The following TEX11 variants were observed in gnomAD, a reference collection of about 807,000 sequenced individuals.
TEX11 encodes the protein testis expressed 11.
TEX11 carries 7 observed loss-of-function variants against 84.4 expected under a neutral mutation model. That is an observed-to-expected ratio of 0.08 (90% CI 0.05 to 0.16). The LOEUF (loss-of-function observed/expected upper bound fraction) is 0.16. Ranked by LOEUF, TEX11 falls within the 10% of genes least tolerant of loss-of-function variation. The pLI is 1.00. For missense variants in TEX11, 551 were observed against 660.5 expected, an observed-to-expected ratio of 0.83 and a Z score of 1.82; for synonymous variants, 264 against 222.8, an observed-to-expected ratio of 1.18 and a Z score of -1.64.
intron 9 of TEX11, among the ~76,000 whole-genome samples, chrX:70,756,019 G>C (rs1050918764): frequency 1.8e-5 from 2 of 112,316 alleles, no homozygotes; most frequent in Admixed American, 1.9e-4. Flanking sequence ...ATCAACCTGC[G>C]GCTCAGCAGC....
At chrX:70,753,855 C>A (rs756772736) in intron 9 of TEX11, among the ~76,000 whole-genome samples, 11 of 110,687 alleles carry the variant, frequency 9.9e-5, no homozygotes, top group Non-Finnish European at 1.9e-4. Flanking sequence ...AGAAGAGAAC[C>A]CTCTCTTGAA....
chrX:70,793,605 G>C (rs2091137971), intron 9 of TEX11, among the ~76,000 whole-genome samples: 1 of 111,597 alleles, frequency 9.0e-6, no homozygotes, highest in East Asian at 2.8e-4. Flanking sequence ...AAAGCTTTCT[G>C]AGGCCTTACC....
In TEX11 at chrX:70,776,168, T is replaced by C. The variant is rs182080470; in HGVS notation, c.692+30537A>G. Among the ~76,000 whole-genome samples, 247 of 111,433 alleles carry C rather than the reference T, an allele frequency of 2.2e-3. 1 individual carries two copies. Among genetic ancestry groups the C allele is most frequent in the African/African-American group, 7.9e-3 (242 of 30,749 alleles). On this transcript the variant is annotated intron_variant, in intron 9 of 29. Transcript: ENST00000374333. ...AAAGGGATACTTAAACTTGCATGTTTGTTGCAGCACTATTCACAATAGAAA... is the reference window on the plus strand; with the variant it reads ...AAAGGGATACTTAAACTTGCATGTTCGTTGCAGCACTATTCACAATAGAAA...
intron 10 of TEX11, among the ~76,000 whole-genome samples, chrX:70,741,291 C>T (rs1035491382): frequency 9.0e-6 from 1 of 111,409 alleles, no homozygotes; most frequent in African/African-American, 3.3e-5. Flanking sequence ...ACAAAATGAA[C>T]GAATCTCACA....
At chrX:70,813,129 G>A (rs1474918229) in intron 8 of TEX11, among the ~76,000 whole-genome samples, 1 of 108,922 alleles carries the variant, frequency 9.2e-6, no homozygotes, top group East Asian at 3.0e-4. Flanking sequence ...CCAAAGCCTG[G>A]CAGAGACACA....
chrX:70,843,554 A>T (rs2091460420), intron 7 of TEX11, among the ~76,000 whole-genome samples: 1 of 111,941 alleles, frequency 8.9e-6, no homozygotes, highest in Non-Finnish European at 1.9e-5. Context: ...ATGGGCAAGG[A>T]CTTCATGTCT....
At chrX:70,605,304 A>T (rs1453324736) in intron 24 of TEX11, 97 bp downstream of exon 24, 2 of 526,469 alleles carry the variant, frequency 3.8e-6, no homozygotes, top group Non-Finnish European at 6.2e-6. Flanking sequence ...GGAGAAAAGG[A>T]TTCTCTAAAG....
At chrX:70,819,397 T>C (rs1769123465) in intron 8 of TEX11, among the ~76,000 whole-genome samples, 1 of 111,508 alleles carries the variant, frequency 9.0e-6, no homozygotes, top group Non-Finnish European at 1.9e-5. Flanking sequence ...TCCATTAAAC[T>C]GAACACTCTC....
intron 13 of TEX11, among the ~76,000 whole-genome samples, chrX:70,684,232 C>T (rs1425094413): frequency 8.9e-6 from 1 of 111,812 alleles, no homozygotes; most frequent in Non-Finnish European, 1.9e-5. Context: ...TTCTTTGTGC[C>T]AACAATAAAA....
chrX:70,547,027 CAAAAAAAAAAA>C (rs58220663), intron 28 of TEX11, among the ~76,000 whole-genome samples: 1 of 33,872 alleles, frequency 3.0e-5, no homozygotes, highest in African/African-American at 1.3e-4. Flanking sequence ...TATTATTCAG[CAAAAAAAAAAA>C]AAAAAAAAAA....
intron 7 of TEX11, among the ~76,000 whole-genome samples, chrX:70,841,020 C>A (rs1163099340): frequency 9.0e-6 from 1 of 110,793 alleles, no homozygotes; most frequent in Non-Finnish European, 1.9e-5. Context: ...GACTCCCACA[C>A]AATAATAATG....
At chrX:70,666,369 G>C (rs1178447339) in intron 16 of TEX11, among the ~76,000 whole-genome samples, 3 of 111,863 alleles carry the variant, frequency 2.7e-5, no homozygotes, top group Admixed American at 9.5e-5. Flanking sequence ...AGATACTGAG[G>C]TAGAAAACAT....
intron 26 of TEX11, 55 bp downstream of exon 26, chrX:70,554,596 A>C: frequency 9.3e-7 from 1 of 1,078,230 alleles, no homozygotes; most frequent in Non-Finnish European, 1.2e-6. Context: ...GAAGAAAAAA[A>C]GTCATACGAT....
chrX:70,550,991 C>A (rs2088206570), intron 28 of TEX11, among the ~76,000 whole-genome samples: 1 of 111,419 alleles, frequency 9.0e-6, no homozygotes, highest in Non-Finnish European at 1.9e-5. Flanking sequence ...CTAAGATTTG[C>A]AAGCAACCTA....
chrX:70,637,005 A>G (rs1212422448), intron 17 of TEX11, among the ~76,000 whole-genome samples: 1 of 111,906 alleles, frequency 8.9e-6, no homozygotes, highest in Non-Finnish European at 1.9e-5. Context: ...CAATCTATCC[A>G]TCTGACAAAG....
chrX:70,809,932 G>A (rs775111235), intron 8 of TEX11, among the ~76,000 whole-genome samples: 2 of 111,588 alleles, frequency 1.8e-5, no homozygotes, highest in Non-Finnish European at 3.8e-5. Flanking sequence ...ACTATGTATA[G>A]ATACACACTG....
At chrX:70,549,278 C>T (rs1265577367) in intron 28 of TEX11, among the ~76,000 whole-genome samples, 1 of 111,627 alleles carries the variant, frequency 9.0e-6, no homozygotes, top group African/African-American at 3.3e-5. Flanking sequence ...GTAGTACATA[C>T]TGTGGGCCTT....
At chrX:70,784,836 G>C (rs193126006) in intron 9 of TEX11, among the ~76,000 whole-genome samples, 26 of 111,614 alleles carry the variant, frequency 2.3e-4, no homozygotes, top group Admixed American at 2.1e-3. Flanking sequence ...AGGATACAAA[G>C]AAATGGAAGA....
chrX:70,649,856 T>C (rs1242630730), intron 17 of TEX11, among the ~76,000 whole-genome samples: 1 of 111,935 alleles, frequency 8.9e-6, no homozygotes, highest in Non-Finnish European at 1.9e-5. Context: ...AACTGAAAAC[T>C]TTGAACTTGT....
Sources: gnomAD v4.1 joint callset for allele counts (sites outside exome capture counted in the v4.1 genomes callset) on GRCh38, gnomAD v4.1.1 for gene constraint, MANE v1.5 for transcripts, NCBI Gene and HGNC (gene_info 2026-07-23, HGNC 2026-07-21) for gene names.